CD58: variants seen among roughly 807,000 people sequenced by gnomAD.
The protein encoded by CD58 is CD58 molecule.
A neutral mutation model predicts 27.6 loss-of-function variants in CD58; 14 were observed. That is an observed-to-expected ratio of 0.51 (90% confidence interval 0.34 to 0.79). The LOEUF is 0.79. CD58 is among the 30% of genes least tolerant of loss of function. The probability of loss-of-function intolerance (pLI) is 0.02; values close to 1 mark genes in which losing one functional copy is unlikely to be tolerated. For synonymous variants in CD58, 117 were observed against 103.8 expected (o/e 1.13, Z -0.77); for missense variants, 268 against 301.7 (o/e 0.89, Z 0.83).
rs1264547226 is a variant in CD58 at position 116,538,769 on chromosome 1, T to G, written c.365-2541A>C. On this transcript the variant is annotated intron_variant, in intron 2 of 5. Transcript: ENST00000369489. The surrounding 1 kb of genome is among the most constrained non-coding windows in gnomAD (Gnocchi z 4.7). Reference sequence around the variant, plus strand: ...GGCAAAGACTAGGTATGACTCACCTTTCAACCACAGCACATGACATAATGC... The same window carrying G: ...GGCAAAGACTAGGTATGACTCACCTGTCAACCACAGCACATGACATAATGC... Among the ~76,000 whole-genome samples, 7 of 152,158 alleles carry G rather than the reference T, an allele frequency of 4.6e-5. No homozygotes were observed. The highest frequency in any genetic ancestry group is 4.6e-4 in the Admixed American group (7 of 15,274).
chr1:116,550,807 C>T lies in CD58; in HGVS notation c.71-6203G>A, dbSNP rs1035980055. Among the ~76,000 whole-genome samples the T allele has an allele frequency of 6.6e-6, 1 of 152,078 alleles. No individual in the cohort carries two copies. The highest frequency in any genetic ancestry group is 1.5e-5 in the Non-Finnish European group (1 of 68,012). ...CCAAGTGTATTCCTACATAATAAGA[C>T]TTCAAAGGCAAAATTACTCCTTGAT... On this transcript the variant is annotated intron_variant, in intron 1 of 5. Transcript: ENST00000369489. The surrounding 1 kb of genome is among the most constrained non-coding windows in gnomAD (Gnocchi z 4.2).
chr1:116,555,993 T>A (rs1341036442), intron 1 of CD58, among the ~76,000 whole-genome samples: 3 of 152,138 alleles, frequency 2.0e-5, no homozygotes, highest in African/African-American at 7.2e-5. Flanking sequence ...CAGTGGCTCA[T>A]GCCTGTAATC....
intron 1 of CD58, among the ~76,000 whole-genome samples, chr1:116,562,841 TG>T (rs1455711338): frequency 5.3e-5 from 8 of 152,128 alleles, no homozygotes; most frequent in Non-Finnish European, 1.2e-4. Context: ...GAGATTTGGG[TG>T]GGGACACAGC....
Position 116,526,250 on chromosome 1 carries a change from G to A in CD58, c.629-4267C>T, listed in dbSNP as rs181801113. ...TTTCATGAATCATGTCTTTGGTGTT[G>A]TATCTAAAAAGTCATCATATCCAAA... On this transcript the variant is annotated intron_variant, in intron 3 of 5. Transcript: ENST00000369489. Among the ~76,000 whole-genome samples, 280 of 152,206 alleles carry A rather than the reference G, an allele frequency of 1.8e-3. 1 individual carries two copies. The highest frequency in any genetic ancestry group is 6.6e-3 in the African/African-American group (274 of 41,526).
At chr1:116,533,760 G>T in intron 3 of CD58, 1 of 710,896 alleles carries the variant, frequency 1.4e-6, no homozygotes, top group East Asian at 2.8e-5. Flanking sequence ...CAACATCACC[G>T]GTGATAAATT....
rs1258240329 is a variant in CD58, at chr1:116,544,564, C to T, written c.111G>A (p.Val37=). 1 of 1,610,750 alleles carries T rather than the reference C, an allele frequency of 6.2e-7. No individual in the cohort carries two copies. Among genetic ancestry groups the T allele is most frequent in the Non-Finnish European group, 8.5e-7 (1 of 1,178,472 alleles). The change falls in exon 2 of 6, where the codon GTG becomes GTA. Residue 37 remains valine, a synonymous_variant. Transcript: ENST00000369489. The part of the protein sequence containing the change: ...SCFSQQIYGV[V]YGNVTFHVPS... The stretch of plus-strand genomic sequence containing the variant: ...GTACATGGAAAGTTACATTCCCATA[C>T]ACAACACCATATATTTGTTGGGAAA...
At chr1:116,566,919 G>A (rs1157129643) in intron 1 of CD58, among the ~76,000 whole-genome samples, 1 of 151,634 alleles carries the variant, frequency 6.6e-6, no homozygotes, top group Non-Finnish European at 1.5e-5. Context: ...TGGGAGGATT[G>A]CTTGAGCCCA....
chr1:116,556,375 G>A (rs932282021), intron 1 of CD58, among the ~76,000 whole-genome samples: 2 of 38,066 alleles, frequency 5.3e-5, no homozygotes, highest in African/African-American at 1.0e-4. Context: ...AAGTAATGAA[G>A]CCAGATTTGA....
chr1:116,549,853 G>A (rs1283503107), intron 1 of CD58, among the ~76,000 whole-genome samples: 5 of 152,128 alleles, frequency 3.3e-5, no homozygotes, highest in East Asian at 1.9e-4. Flanking sequence ...CCGTGGGTTT[G>A]GTCCCAGACA....
chr1:116,551,261 G>A (rs1300481286), intron 1 of CD58, among the ~76,000 whole-genome samples: 1 of 152,226 alleles, frequency 6.6e-6, no homozygotes, highest in Non-Finnish European at 1.5e-5. Flanking sequence ...CCAGTAGAAG[G>A]TTGTTTTGTC....
rs142477284 is a variant in CD58 at position 116,546,771 on chromosome 1, A to C, written c.71-2167T>G. ...TGAGGGTAGAGAAAGGGGAGACTGC[A>C]GCTCAGAAGAAATCAAAGTACAGTT... On this transcript the variant is annotated intron_variant, in intron 1 of 5. Transcript: ENST00000369489. This position sits in a 1 kb window ranked among gnomAD's most constrained non-coding sequence, Gnocchi z 4.1. Among the ~76,000 whole-genome samples, 4 of 152,298 alleles carry C rather than the reference A, an allele frequency of 2.6e-5. No individual in the cohort carries two copies. Among genetic ancestry groups the C allele is most frequent in the African/African-American group, 9.6e-5 (4 of 41,552 alleles).
rs72697334 is a variant in CD58 at position 116,550,025 on chromosome 1, T to G, written c.71-5421A>C. Among the ~76,000 whole-genome samples, 751 of 152,032 alleles carry G rather than the reference T, an allele frequency of 4.9e-3. 4 individuals are homozygous for G. The highest frequency in any genetic ancestry group is 0.017 in the Middle Eastern group (5 of 294). On this transcript the variant is annotated intron_variant, in intron 1 of 5. Transcript: ENST00000369489. This position sits in a 1 kb window ranked among gnomAD's most constrained non-coding sequence, Gnocchi z 4.2. ...CATATTTAATTAAAAAATACTTTAT[T>G]GCTGAAAAAAAAAACATGCTAACAA...
rs1396390268 is a variant in CD58 at position 116,523,971 on chromosome 1, G to A, written c.629-1988C>T. On this transcript the variant is annotated intron_variant, in intron 3 of 5. Transcript: ENST00000369489. The surrounding 1 kb of genome is among the most constrained non-coding windows in gnomAD (Gnocchi z 4.4). ...CGCATGAACTGAGCACAACTGATGT[G>A]TTTCAATCTACTGAAGTTGTTATTC... 1.3e-5 allele frequency among the ~76,000 whole-genome samples: 2 copies of A among 152,174 alleles called. No homozygotes were observed. The highest frequency in any genetic ancestry group is 1.9e-4 in the East Asian group (1 of 5,206).
rs1171691387 is a variant in CD58 at position 116,521,070 on chromosome 1, G to C, written c.706+836C>G. On this transcript the variant is annotated intron_variant, in intron 4 of 5. Coordinates refer to ENST00000369489, the MANE Select transcript of CD58 (RefSeq NM_001779.3). This position sits in a 1 kb window ranked among gnomAD's most constrained non-coding sequence, Gnocchi z 5.6. The stretch of plus-strand genomic sequence containing the variant: ...CTGAGGAATGAATCTTAAATTTAAT[G>C]GTATTTCATTTTAAATGATATATTT... 6.6e-6 allele frequency among the ~76,000 whole-genome samples: 1 copy of C among 152,016 alleles called. No homozygotes were observed. Among genetic ancestry groups the C allele is most frequent in the Non-Finnish European group, 1.5e-5 (1 of 68,000 alleles).
intron 1 of CD58, among the ~76,000 whole-genome samples, chr1:116,553,973 A>C (rs1658474585): frequency 1.3e-5 from 2 of 152,210 alleles, no homozygotes; most frequent in Admixed American, 6.5e-5. Context: ...AAAAGGCACT[A>C]GTGATATTAC....
chr1:116,523,988 T>G lies in CD58; in HGVS notation c.629-2005A>C, dbSNP rs138573802. On this transcript the variant is annotated intron_variant, in intron 3 of 5. Coordinates refer to ENST00000369489, the MANE Select transcript of CD58 (RefSeq NM_001779.3). The surrounding 1 kb of genome is among the most constrained non-coding windows in gnomAD (Gnocchi z 4.4). Reference sequence around the variant, plus strand: ...ACTGATGTGTTTCAATCTACTGAAGTTGTTATTCTTATTGATGTTCCAATT... The same window carrying G: ...ACTGATGTGTTTCAATCTACTGAAGGTGTTATTCTTATTGATGTTCCAATT... 6.6e-5 allele frequency among the ~76,000 whole-genome samples: 10 copies of G among 152,146 alleles called. No individual in the cohort carries two copies. The highest frequency in any genetic ancestry group is 1.2e-4 in the Non-Finnish European group (8 of 68,020).
chr1:116,523,892 C>T lies in CD58; in HGVS notation c.629-1909G>A, dbSNP rs905900336. Among the ~76,000 whole-genome samples the T allele has an allele frequency of 1.3e-5, 2 of 152,220 alleles. No individual in the cohort carries two copies. The highest frequency in any genetic ancestry group is 4.8e-5 in the African/African-American group (2 of 41,450). ...TCAAAATAATGAGTTAGCTCCCAAGCATTCTCTAGAGATGACCAGTGAGTT... is the reference window on the plus strand; with the variant it reads ...TCAAAATAATGAGTTAGCTCCCAAGTATTCTCTAGAGATGACCAGTGAGTT... On this transcript the variant is annotated intron_variant, in intron 3 of 5. Transcript: ENST00000369489. The surrounding 1 kb of genome is among the most constrained non-coding windows in gnomAD (Gnocchi z 4.4).
intron 1 of CD58, among the ~76,000 whole-genome samples, chr1:116,562,278 T>C (rs1658781327): frequency 6.6e-6 from 1 of 152,166 alleles, no homozygotes. Context: ...CTGTAAAATG[T>C]CAACAACAGC....
At chr1:116,556,631 G>T (rs1012837714) in intron 1 of CD58, among the ~76,000 whole-genome samples, 11 of 152,190 alleles carry the variant, frequency 7.2e-5, no homozygotes, top group African/African-American at 2.7e-4. Context: ...GAGCTGAAGA[G>T]GGCCTCAGAG....
Sources: allele counts gnomAD v4.1 joint callset (sites outside exome capture counted in the v4.1 genomes callset), GRCh38; gene constraint gnomAD v4.1.1; non-coding constraint Gnocchi (gnomAD v3.1); transcripts MANE v1.5; gene names NCBI Gene and HGNC (gene_info 2026-07-23, HGNC 2026-07-21).